HLCS: variants seen among roughly 807,000 people sequenced by gnomAD.
HLCS encodes the protein biotin--protein ligase.
Under a neutral mutation model 75.0 loss-of-function variants are expected in HLCS, and 53 were observed. The ratio of observed to expected loss-of-function variants is 0.71; its 90% confidence interval spans 0.57 to 0.89. The LOEUF (loss-of-function observed/expected upper bound fraction) is 0.89. Among genes scored for constraint, HLCS ranks in the 40% least tolerant of loss-of-function variants. The probability of loss-of-function intolerance (pLI) is 0.00; values close to 1 mark genes in which losing one functional copy is unlikely to be tolerated. For synonymous variants in HLCS, 431 were observed against 428.6 expected (o/e 1.01, Z -0.07); for missense variants, 966 against 1,074.0 (o/e 0.90, Z 1.41).
intron 6 of HLCS, among the ~76,000 whole-genome samples, chr21:36,816,426 C>T (rs938108662): frequency 1.3e-5 from 2 of 151,788 alleles, no homozygotes; most frequent in Non-Finnish European, 2.9e-5. Context: ...TGTCACTAGG[C>T]TGCTGTAGGG....
intron 6 of HLCS, among the ~76,000 whole-genome samples, chr21:36,793,934 A>T (rs73212663): frequency 0.15 from 23,391 of 152,200 alleles, 1,945 homozygotes; most frequent in African/African-American, 0.22. Context: ...TCAGGAGGAT[A>T]TACCAAGTTA....
intron 6 of HLCS, among the ~76,000 whole-genome samples, chr21:36,845,482 G>A (rs878922369): frequency 2.6e-5 from 4 of 152,196 alleles, no homozygotes; most frequent in Middle Eastern, 6.8e-3. Flanking sequence ...TAAATACAAC[G>A]GCAAACTGCA....
In HLCS at chr21:36,758,220, T is replaced by G. The variant is rs1441643085; in HGVS notation, c.2237-1465A>C. ...CTCCTGAGCTCAGGTGATTTTCCCA[T>G]CTCAGCCTCCTGAGTAGCTAGGACT... On this transcript the variant is annotated intron_variant, in intron 9 of 10. Coordinates refer to ENST00000674895, the MANE Select transcript of HLCS (RefSeq NM_001352514.2). 4.6e-5 allele frequency among the ~76,000 whole-genome samples: 7 copies of G among 152,078 alleles called. No homozygotes were observed. The East Asian group carries it at 1.4e-3, about 30-fold the overall frequency.
chr21:36,879,466 T>C (rs1343705929), intron 6 of HLCS, among the ~76,000 whole-genome samples: 2 of 152,236 alleles, frequency 1.3e-5, no homozygotes, highest in Non-Finnish European at 2.9e-5. Flanking sequence ...ACATGATTCA[T>C]ATCTCTTCAA....
upstream of HLCS, among the ~76,000 whole-genome samples, chr21:36,968,283 C>T (rs1025439363): frequency 6.6e-6 from 1 of 152,152 alleles, no homozygotes; most frequent in African/African-American, 2.4e-5. Context: ...TGAGCCATGG[C>T]GCCTAGCCAT....
intron 5 of HLCS, among the ~76,000 whole-genome samples, chr21:36,918,412 G>T (rs1006558288): frequency 6.6e-6 from 1 of 152,190 alleles, no homozygotes; most frequent in African/African-American, 2.4e-5. Flanking sequence ...AGAAGGAGAC[G>T]CCATCAGCTT....
chr21:36,944,451 G>A (rs2067289083), intron 2 of HLCS, among the ~76,000 whole-genome samples: 1 of 152,196 alleles, frequency 6.6e-6, no homozygotes, highest in Non-Finnish European at 1.5e-5. Context: ...TTACCTAGGT[G>A]TATAAATTCA....
chr21:36,862,024 T>C lies in HLCS; in HGVS notation c.1892+34836A>G, dbSNP rs531868715. The stretch of plus-strand genomic sequence containing the variant: ...ATTTGCCTATCCTAGGCATTTCCTA[T>C]AAATGAAATCACACAACATGTGGTC... On this transcript the variant is annotated intron_variant, in intron 6 of 10. Coordinates refer to ENST00000674895, the MANE Select transcript of HLCS (RefSeq NM_001352514.2). Among the ~76,000 whole-genome samples, 71 of 152,366 alleles carry C rather than the reference T, an allele frequency of 4.7e-4. 1 individual carries two copies. The highest frequency in any genetic ancestry group is 4.6e-3 in the South Asian group (22 of 4,828).
intron 6 of HLCS, among the ~76,000 whole-genome samples, chr21:36,776,489 A>G (rs2060362074): frequency 6.6e-6 from 1 of 151,862 alleles, no homozygotes; most frequent in Non-Finnish European, 1.5e-5. Context: ...ATCTAAGCTC[A>G]CTGCAACCTC....
At chr21:36,886,203 G>A (rs1192074763) in intron 6 of HLCS, among the ~76,000 whole-genome samples, 7 of 151,630 alleles carry the variant, frequency 4.6e-5, no homozygotes, top group Non-Finnish European at 7.4e-5. Context: ...AGGCCGAGAC[G>A]GGCGGATCAC....
intron 2 of HLCS, among the ~76,000 whole-genome samples, chr21:36,945,033 T>C (rs1053194249): frequency 6.6e-6 from 1 of 152,186 alleles, no homozygotes; most frequent in East Asian, 1.9e-4. Context: ...GGCAGGAGAA[T>C]GGCGTGAACC....
chr21:36,922,829 T>G (rs1233836417), intron 5 of HLCS, among the ~76,000 whole-genome samples: 1 of 152,194 alleles, frequency 6.6e-6, no homozygotes, highest in Admixed American at 6.5e-5. Flanking sequence ...TAAACATTTT[T>G]CCAAGACAGT....
intron 6 of HLCS, among the ~76,000 whole-genome samples, chr21:36,777,411 G>A (rs1320231713): frequency 2.0e-5 from 3 of 152,234 alleles, no homozygotes; most frequent in Non-Finnish European, 2.9e-5. Context: ...ACGAAAACTG[G>A]CAGCAGGCCA....
chr21:36,962,793 C>CAAAAAAAAAAAA (rs386394699), intron 1 of HLCS, among the ~76,000 whole-genome samples: 1 of 80,224 alleles, frequency 1.2e-5, no homozygotes. Flanking sequence ...GACCCTATCT[C>CAAAAAAAAAAAA]AAAAAAAAAA....
chr21:36,952,746 G>A (rs933301595), intron 2 of HLCS, among the ~76,000 whole-genome samples: 11 of 146,028 alleles, frequency 7.5e-5, no homozygotes, highest in East Asian at 2.0e-4. Context: ...AGCTGAGATC[G>A]TGCCACTGCA....
intron 6 of HLCS, among the ~76,000 whole-genome samples, chr21:36,882,227 A>G (rs1441060707): frequency 6.6e-6 from 1 of 151,878 alleles, no homozygotes; most frequent in African/African-American, 2.4e-5. Flanking sequence ...GCTTGCAGTG[A>G]GCCAGGATTG....
At chr21:36,966,311 G>T in intron 1 of HLCS, 133 bp downstream of exon 1, 1 of 279,684 alleles carries the variant, frequency 3.6e-6, no homozygotes, top group Non-Finnish European at 5.4e-6. Flanking sequence ...GCCCCTCCCG[G>T]GCCGCACAGG....
chr21:36,785,439 C>T (rs1159151050), intron 6 of HLCS, among the ~76,000 whole-genome samples: 1 of 151,798 alleles, frequency 6.6e-6, no homozygotes, highest in Non-Finnish European at 1.5e-5. Context: ...CCATTTTCTA[C>T]CCATCTCTCC....
rs1445854943 is a variant in HLCS, at chr21:36,756,588, C to T, written c.2404G>A (p.Gly802Arg). 5 of 1,613,860 alleles carry T rather than the reference C, an allele frequency of 3.1e-6. No individual in the cohort carries two copies. Among genetic ancestry groups the T allele is most frequent in the South Asian group, 2.2e-5 (2 of 91,068 alleles). The change falls in exon 10 of 11, where the codon GGG (glycine) becomes AGG (arginine). Residue 802 changes from glycine (G) to arginine (R), a missense_variant. Gly to Arg is a moderately radical substitution (Grantham distance 125). Coordinates refer to ENST00000674895, the MANE Select transcript of HLCS (RefSeq NM_001352514.2). ...EKLIKEFQDK[G>R]PNSVLPLYYR... is the part of the protein sequence containing the mutation. ...TAAAGGGGAAGGACGCTGTTGGGCC[C>T]TTTGTCCTGAAACTCTTTGATCAGT...
Sources: allele counts gnomAD v4.1 joint callset (sites outside exome capture counted in the v4.1 genomes callset), GRCh38; gene constraint gnomAD v4.1.1; transcripts MANE v1.5; gene names NCBI Gene and HGNC (gene_info 2026-07-23, HGNC 2026-07-21).